The following DLGAP2 variants were observed in gnomAD, a reference collection of about 807,000 sequenced individuals.
DLGAP2 encodes the protein DLG associated protein 2.
DLGAP2 carries 26 observed loss-of-function variants against 100.3 expected under a neutral mutation model. The observed-to-expected ratio is 0.26, with a 90% CI of 0.19 to 0.36. The LOEUF (loss-of-function observed/expected upper bound fraction) is 0.36. Ranked by LOEUF, DLGAP2 falls within the 10% of genes least tolerant of loss-of-function variation. The probability of loss-of-function intolerance (pLI) is 1.00; values close to 1 mark genes in which losing one functional copy is unlikely to be tolerated. For synonymous variants in DLGAP2, 886 were observed against 630.1 expected (o/e 1.41, Z -6.08); for missense variants, 1,858 against 1,453.2 (o/e 1.28, Z -4.53).
intron 3 of DLGAP2, among the ~76,000 whole-genome samples, chr8:1,432,080 C>T (rs1230532188): frequency 6.6e-6 from 1 of 152,080 alleles, no homozygotes; most frequent in African/African-American, 2.4e-5. Context: ...CCCATGCCAG[C>T]CAGCACTGCT....
At chr8:1,217,752 C>G (rs1028434122) in intron 2 of DLGAP2, among the ~76,000 whole-genome samples, 3 of 152,012 alleles carry the variant, frequency 2.0e-5, no homozygotes, top group Non-Finnish European at 4.4e-5. Flanking sequence ...TAAGCGTTAT[C>G]TTTTCTCTGC....
intron 6 of DLGAP2, among the ~76,000 whole-genome samples, chr8:1,601,340 G>A (rs1027402347): frequency 6.6e-6 from 1 of 152,228 alleles, no homozygotes; most frequent in East Asian, 1.9e-4. Context: ...CCCATCAGGA[G>A]ACAAGAGGGT....
Position 1,598,644 on chromosome 8 carries a change from A to C in DLGAP2, c.1443-28096A>C, listed in dbSNP as rs1796531997. On this transcript the variant is annotated intron_variant, in intron 6 of 14. Coordinates refer to ENST00000637795, the MANE Select transcript of DLGAP2 (RefSeq NM_001346810.2). Reference sequence around the variant, plus strand: ...CAGTTTCTTCTAGATTTTCTAGTTTATTTGTGTAGAGGTGTTTATAGTGTT... The same window carrying C: ...CAGTTTCTTCTAGATTTTCTAGTTTCTTTGTGTAGAGGTGTTTATAGTGTT... Among the ~76,000 whole-genome samples the C allele has an allele frequency of 2.0e-5, 3 of 152,100 alleles. No individual in the cohort carries two copies. The South Asian group carries it at 6.2e-4, about 32-fold the overall frequency.
intron 2 of DLGAP2, among the ~76,000 whole-genome samples, chr8:930,813 C>T (rs1798939611): frequency 6.6e-6 from 1 of 152,226 alleles, no homozygotes; most frequent in Non-Finnish European, 1.5e-5. Context: ...ACAGTGAAAA[C>T]CAGGGAACTC....
rs546633097 is a variant in DLGAP2 at position 1,116,929 on chromosome 8, C to T, written c.74-141922C>T. Among the ~76,000 whole-genome samples, 135 of 152,294 alleles carry T rather than the reference C, an allele frequency of 8.9e-4. 1 individual carries two copies. The highest frequency in any genetic ancestry group is 3.4e-3 in the Middle Eastern group (1 of 294). The stretch of plus-strand genomic sequence containing the variant: ...ACAGAAACCAAAGCAAAACCTCTTC[C>T]GCAGCCAACAGCTACTGGCTTCCTC... On this transcript the variant is annotated intron_variant, in intron 2 of 14. Coordinates refer to ENST00000637795, the MANE Select transcript of DLGAP2 (RefSeq NM_001346810.2).
chr8:1,247,425 C>T (rs113828031), intron 2 of DLGAP2, among the ~76,000 whole-genome samples: 1,646 of 28,516 alleles, frequency 0.058, 240 homozygotes, highest in African/African-American at 0.21. Context: ...GGAGTAATGG[C>T]CCATGTTGGT....
chr8:905,900 G>C (rs376405698), intron 1 of DLGAP2, among the ~76,000 whole-genome samples: 2 of 151,424 alleles, frequency 1.3e-5, no homozygotes, highest in Admixed American at 6.6e-5. Context: ...ACGTGATAGA[G>C]ACGTGGCTGA....
At position 945,571 on chromosome 8, in the gene DLGAP2, C is replaced by T. The variant is rs781739824; in HGVS notation, c.73+37605C>T. Among the ~76,000 whole-genome samples, 17 of 152,220 alleles carry T rather than the reference C, an allele frequency of 1.1e-4. No individual in the cohort carries two copies. In the South Asian group the frequency reaches 1.5e-3, roughly 13 times the overall value. ...CATCTTTGTCTCTTCTTACTCAGCCCGGAGAACAGCTAAAAACGCCACCAC... is the reference window on the plus strand; with the variant it reads ...CATCTTTGTCTCTTCTTACTCAGCCTGGAGAACAGCTAAAAACGCCACCAC... On this transcript the variant is annotated intron_variant, in intron 2 of 14. Transcript: ENST00000637795.
chr8:1,661,390 G>A lies in DLGAP2; in HGVS notation c.1811-6939G>A, dbSNP rs142285350. ...CATCACTGTTGACAAAAGGCCAGAAGCTGGGTCTAAGTTCTGCTGCTTACT... is the reference window on the plus strand; with the variant it reads ...CATCACTGTTGACAAAAGGCCAGAAACTGGGTCTAAGTTCTGCTGCTTACT... On this transcript the variant is annotated intron_variant, in intron 8 of 14. Transcript: ENST00000637795. Among the ~76,000 whole-genome samples the A allele has an allele frequency of 8.7e-3, 1,332 of 152,292 alleles. 11 individuals are homozygous for A. Among genetic ancestry groups the A allele is most frequent in the Non-Finnish European group, 0.015 (987 of 68,042 alleles).
chr8:1,333,189 G>A (rs924165732), intron 3 of DLGAP2, among the ~76,000 whole-genome samples: 1 of 152,140 alleles, frequency 6.6e-6, no homozygotes, highest in Non-Finnish European at 1.5e-5. Context: ...TCCGCAGACT[G>A]TCTTCTGGCA....
At chr8:1,047,801 A>G (rs1162093283) in intron 2 of DLGAP2, among the ~76,000 whole-genome samples, 2 of 151,986 alleles carry the variant, frequency 1.3e-5, no homozygotes, top group Non-Finnish European at 2.9e-5. Context: ...TCCTAACACC[A>G]TCACCTTGGA....
At chr8:1,154,458 T>G (rs1179389339) in intron 2 of DLGAP2, among the ~76,000 whole-genome samples, 1 of 152,168 alleles carries the variant, frequency 6.6e-6, no homozygotes, top group Admixed American at 6.5e-5. Flanking sequence ...TACCGTAAAT[T>G]TGTGCATATT....
rs541629732 is a variant in DLGAP2 at position 1,626,049 on chromosome 8, G to T, written c.1443-691G>T. ...GCGGGTGCTCAGCCTCTGGGTGTGG[G>T]TTGGATGGCTTTCCCATCTCTGGCC... On this transcript the variant is annotated intron_variant, in intron 6 of 14. Coordinates refer to ENST00000637795, the MANE Select transcript of DLGAP2 (RefSeq NM_001346810.2). Among the ~76,000 whole-genome samples, 15 of 116,810 alleles carry T rather than the reference G, an allele frequency of 1.3e-4. No homozygotes were observed. The South Asian group carries it at 4.2e-3, about 33-fold the overall frequency. The allele number at this position is 116,810 out of a possible 152,430, so 76.6% of individuals were successfully genotyped here.
At chr8:1,171,497 A>G (rs1408817845) in intron 2 of DLGAP2, among the ~76,000 whole-genome samples, 1 of 151,816 alleles carries the variant, frequency 6.6e-6, no homozygotes, top group Non-Finnish European at 1.5e-5. Context: ...AAAGTCTCCC[A>G]TTATTAATGT....
chr8:1,350,949 T>A (rs1381492571), intron 3 of DLGAP2, among the ~76,000 whole-genome samples: 3 of 119,016 alleles, frequency 2.5e-5, no homozygotes, highest in Non-Finnish European at 3.5e-5. Flanking sequence ...GGGTCCTGAG[T>A]GTGTGTGGAA....
At chr8:1,093,884 CAGCCGAGGGGTCTGT>C (rs1200644847) in intron 2 of DLGAP2, among the ~76,000 whole-genome samples, 25 of 152,236 alleles carry the variant, frequency 1.6e-4, no homozygotes, top group African/African-American at 5.8e-4. Context: ...CGATGGGTGC[CAGCCGAGGGGTCTGT>C]CTGCATCTGA....
chr8:1,652,542 T>C (rs996834588), intron 8 of DLGAP2, among the ~76,000 whole-genome samples: 2 of 152,144 alleles, frequency 1.3e-5, no homozygotes, highest in African/African-American at 4.8e-5. Context: ...GTGCGTGATA[T>C]TTCTGAGTTT....
At position 1,706,708 on chromosome 8, in the gene DLGAP2, A is replaced by G. The variant is rs1376906831; in HGVS notation, c.*5302A>G. 4 of 152,210 alleles carry G rather than the reference A, an allele frequency of 2.6e-5. No individual in the cohort carries two copies. The highest frequency in any genetic ancestry group is 2.1e-4 in the South Asian group (1 of 4,824). The allele number at this position is 152,210 out of a possible 1,614,324, so 9.4% of individuals were successfully genotyped here. A position where few individuals can be genotyped will look rare whatever the true frequency, so the allele number is the denominator to read the frequency against. ...TTAGATGAAATGAGGAGATAAACTA[A>G]ACATTAAAATGATGAAGGAAAAAAA... On this transcript the variant is annotated 3_prime_UTR_variant, in exon 15 of 15. Transcript: ENST00000637795.
chr8:1,273,291 C>T (rs1195361055), intron 3 of DLGAP2, among the ~76,000 whole-genome samples: 15 of 152,094 alleles, frequency 9.9e-5, no homozygotes, highest in Admixed American at 7.9e-4. Flanking sequence ...CCGGGAGCCA[C>T]GTGGGCTGCT....
Sources: allele counts gnomAD v4.1 joint callset (sites outside exome capture counted in the v4.1 genomes callset), GRCh38; gene constraint gnomAD v4.1.1; transcripts MANE v1.5; gene names NCBI Gene and HGNC (gene_info 2026-07-23, HGNC 2026-07-21).